The following ZNF469 variants were observed in gnomAD, a reference collection of about 807,000 sequenced individuals.
The protein encoded by ZNF469 is zinc finger protein 469.
In ZNF469, 1 loss-of-function variant was observed where a neutral mutation model predicts 1.0. The observed-to-expected ratio is 1.00, with a 90% CI of 0.35 to 4.73. The LOEUF (loss-of-function observed/expected upper bound fraction) is 4.73. ZNF469 is among the 30% of genes most tolerant of loss of function. The probability of loss-of-function intolerance (pLI) is 0.16; values close to 1 mark genes in which losing one functional copy is unlikely to be tolerated. For missense variants in ZNF469, 6,100 were observed against 5,356.3 expected (o/e 1.14, Z -4.33); for synonymous variants, 2,703 against 2,363.4 (o/e 1.14, Z -4.17).
the ZNF469 span, among the ~76,000 whole-genome samples, chr16:88,371,872 G>C: frequency 3.6e-5 from 4 of 110,266 alleles, no homozygotes; most frequent in African/African-American, 7.3e-5. Context: ...CACCATCATC[G>C]TCACCATCAC....
At chr16:88,297,543 CG>C in the ZNF469 span, among the ~76,000 whole-genome samples, 1 of 152,184 alleles carries the variant, frequency 6.6e-6, no homozygotes, top group Non-Finnish European at 1.5e-5. Context: ...AAGTGGGAAA[CG>C]GAAGCTGTTG....
chr16:88,153,036 G>C, the ZNF469 span, among the ~76,000 whole-genome samples: 3 of 152,282 alleles, frequency 2.0e-5, no homozygotes, highest in East Asian at 1.9e-4. Flanking sequence ...TGCACTGTAT[G>C]GGGGGTGGCG....
the ZNF469 span, among the ~76,000 whole-genome samples, chr16:88,306,380 C>A: frequency 1.3e-5 from 2 of 152,236 alleles, no homozygotes; most frequent in South Asian, 2.1e-4. Context: ...TCGCACTAGC[C>A]TGTCACAGTT....
the ZNF469 span, among the ~76,000 whole-genome samples, chr16:88,342,798 C>T: frequency 1.1e-4 from 17 of 152,224 alleles, no homozygotes; most frequent in African/African-American, 3.1e-4. Flanking sequence ...CTGATGCCAG[C>T]GTAGGGCGAT....
At chr16:88,417,192 C>G (rs1905325256) in intron 1 of ZNF469, among the ~76,000 whole-genome samples, 2 of 149,202 alleles carry the variant, frequency 1.3e-5, no homozygotes, top group South Asian at 4.4e-4. Flanking sequence ...CAAGGGAGCT[C>G]AAAGCCAGGG....
the ZNF469 span, among the ~76,000 whole-genome samples, chr16:88,164,884 T>A: frequency 6.6e-6 from 1 of 152,174 alleles, no homozygotes; most frequent in South Asian, 2.1e-4. Context: ...CCCGTGGGGT[T>A]GGATCACAGT....
intron 1 of ZNF469, among the ~76,000 whole-genome samples, chr16:88,394,679 T>C (rs565561999): frequency 6.6e-6 from 1 of 152,276 alleles, no homozygotes; most frequent in South Asian, 2.1e-4. Context: ...TACCTTGTCA[T>C]TTTTTTGGCC....
At chr16:88,134,696 G>C in the ZNF469 span, among the ~76,000 whole-genome samples, 1 of 152,210 alleles carries the variant, frequency 6.6e-6, no homozygotes, top group Non-Finnish European at 1.5e-5. Context: ...CTGACAGCAG[G>C]GTGTTGCCAC....
chr16:88,211,716 G>T, the ZNF469 span, among the ~76,000 whole-genome samples: 571 of 152,196 alleles, frequency 3.8e-3, 4 homozygotes, highest in African/African-American at 0.013. Context: ...TCTTTTTCTG[G>T]ATTTTTCCTC....
At chr16:88,218,801 T>A in the ZNF469 span, among the ~76,000 whole-genome samples, 1 of 151,404 alleles carries the variant, frequency 6.6e-6, no homozygotes, top group East Asian at 1.9e-4. Flanking sequence ...TAAAAGGTAT[T>A]CAATTAGGAA....
chr16:88,420,730 G>A (rs1230444284), intron 1 of ZNF469, among the ~76,000 whole-genome samples: 1 of 152,256 alleles, frequency 6.6e-6, no homozygotes, highest in African/African-American at 2.4e-5. Flanking sequence ...TGTGCTCCAT[G>A]AGGTGGCTTG....
At chr16:88,178,981 AG>A in the ZNF469 span, 1 of 151,956 alleles carries the variant, frequency 6.6e-6, no homozygotes, top group Non-Finnish European at 1.5e-5. Context: ...GTGGGCCATG[AG>A]GACTTTTCCT....
At chr16:88,399,644 T>C (rs1406220745) in intron 1 of ZNF469, among the ~76,000 whole-genome samples, 1 of 152,172 alleles carries the variant, frequency 6.6e-6, no homozygotes, top group Non-Finnish European at 1.5e-5. Flanking sequence ...AAACCAAACA[T>C]TTTCAATAGC....
chr16:88,239,149 G>A, the ZNF469 span, among the ~76,000 whole-genome samples: 1 of 152,154 alleles, frequency 6.6e-6, no homozygotes, highest in Non-Finnish European at 1.5e-5. Context: ...CATGGTGCGG[G>A]TGAGGGAGGT....
the ZNF469 span, among the ~76,000 whole-genome samples, chr16:88,118,330 G>C: frequency 6.6e-6 from 1 of 152,230 alleles, no homozygotes; most frequent in African/African-American, 2.4e-5. Flanking sequence ...GCAGTGTTCT[G>C]GTGGAGCCTT....
At chr16:88,287,537 C>T in the ZNF469 span, among the ~76,000 whole-genome samples, 1 of 152,240 alleles carries the variant, frequency 6.6e-6, no homozygotes, top group Admixed American at 6.5e-5. Flanking sequence ...CTTTATCAAT[C>T]CCATGCTGGC....
the ZNF469 span, among the ~76,000 whole-genome samples, chr16:88,176,076 C>G: frequency 6.6e-6 from 1 of 152,050 alleles, no homozygotes; most frequent in Non-Finnish European, 1.5e-5. Flanking sequence ...TTCCTGCCAC[C>G]CCAGGGCTAC....
the ZNF469 span, among the ~76,000 whole-genome samples, chr16:88,375,549 C>A: frequency 3.9e-5 from 6 of 152,262 alleles, no homozygotes. Flanking sequence ...CACAGCATGG[C>A]CCCTGGTACA....
chr16:88,352,776 A>G, the ZNF469 span, among the ~76,000 whole-genome samples: 5 of 152,196 alleles, frequency 3.3e-5, no homozygotes, highest in Non-Finnish European at 7.4e-5. Flanking sequence ...GCAGGTCCAC[A>G]TCACAGGGAG....
Sources: gnomAD v4.1 joint callset for allele counts (sites outside exome capture counted in the v4.1 genomes callset) on GRCh38, gnomAD v4.1.1 for gene constraint, MANE v1.5 for transcripts, NCBI Gene and HGNC (gene_info 2026-07-23, HGNC 2026-07-21) for gene names.